RBFOX3: variants seen among roughly 807,000 people sequenced by gnomAD.
RBFOX3 encodes RNA binding fox-1 homolog 3.
In RBFOX3, 17 loss-of-function variants were observed where a neutral mutation model predicts 48.7. That is an observed-to-expected ratio of 0.35 (90% CI 0.24 to 0.52). The LOEUF is 0.52. Among genes scored for constraint, RBFOX3 ranks in the 20% least tolerant of loss-of-function variants. RBFOX3 has a pLI of 0.94. For synonymous variants in RBFOX3, 212 were observed against 209.5 expected, an observed-to-expected ratio of 1.01 and a Z score of -0.10; for missense variants, 382 against 497.5, an observed-to-expected ratio of 0.77 and a Z score of 2.21.
intron 1 of RBFOX3, among the ~76,000 whole-genome samples, chr17:79,561,306 G>A (rs920681576): frequency 0.5 from 75,482 of 151,940 alleles, 20,661 homozygotes; most frequent in South Asian, 0.67. Flanking sequence ...GCCCAGCCTT[G>A]CCAGGGCTGA....
intron 2 of RBFOX3, among the ~76,000 whole-genome samples, chr17:79,318,582 C>T (rs1378904): frequency 0.45 from 68,482 of 151,764 alleles, 15,758 homozygotes; most frequent in African/African-American, 0.55. Context: ...GGGCCACGTG[C>T]GGTGGCTCAT....
intron 1 of RBFOX3, among the ~76,000 whole-genome samples, chr17:79,520,302 C>T (rs1371673503): frequency 2.0e-5 from 3 of 152,318 alleles, no homozygotes; most frequent in Admixed American, 6.5e-5. Context: ...GGCTGCTCCC[C>T]GTCAGCCGGA....
At chr17:79,116,488 C>T (rs945984981) in intron 4 of RBFOX3, among the ~76,000 whole-genome samples, 1 of 152,240 alleles carries the variant, frequency 6.6e-6, no homozygotes, top group African/African-American at 2.4e-5. Context: ...GCGCTCCAGC[C>T]TGGGTGATGA....
At chr17:79,376,693 G>C (rs1245968414) in intron 2 of RBFOX3, among the ~76,000 whole-genome samples, 1 of 152,192 alleles carries the variant, frequency 6.6e-6, no homozygotes, top group Non-Finnish European at 1.5e-5. Context: ...GGAAGAGGAG[G>C]GGTGCAGATT....
chr17:79,231,199 A>G (rs1472324620), intron 4 of RBFOX3, among the ~76,000 whole-genome samples: 1 of 152,186 alleles, frequency 6.6e-6, no homozygotes, highest in Non-Finnish European at 1.5e-5. Context: ...AGACAGCTGG[A>G]CAGAGAAAGA....
intron 2 of RBFOX3, among the ~76,000 whole-genome samples, chr17:79,375,642 A>G (rs117457131): frequency 0.018 from 2,695 of 152,226 alleles, 28 homozygotes; most frequent in Non-Finnish European, 0.027. Flanking sequence ...AAGTGGCTGC[A>G]GTGATGGAGG....
At chr17:79,417,806 C>T (rs910443107) in intron 2 of RBFOX3, among the ~76,000 whole-genome samples, 2 of 152,246 alleles carry the variant, frequency 1.3e-5, no homozygotes, top group South Asian at 2.1e-4. Flanking sequence ...AATAGCCACA[C>T]GGGGCGGCAG....
rs1294363374 is a variant in RBFOX3, at chr17:79,094,473, G to A, written c.1055C>T (p.Ala352Val). The change falls in exon 14 of 15, where the codon GCG becomes GTG. Residue 352 changes from alanine (A) to valine (V), a missense_variant. This residue lies in a region of RBFOX3 where 215 missense variants were observed against 254.8 expected (regional missense o/e 0.84). Transcript: ENST00000693108. ...TACCATGGTTCCAATGCTGTAGGTCGCCGCGGGCCCGATGGTGTGATGGTA... is the reference window on the plus strand; with the variant it reads ...TACCATGGTTCCAATGCTGTAGGTCACCGCGGGCCCGATGGTGTGATGGTA... ...DPYHHTIGPA[A>V]TYSIGTM The A allele has an allele frequency of 6.8e-6, 10 of 1,477,466 alleles. No homozygotes were observed. Among genetic ancestry groups the A allele is most frequent in the East Asian group, 2.9e-5 (1 of 34,388 alleles). The allele number at this position is 1,477,466 out of a possible 1,614,324, so 91.5% of individuals were successfully genotyped here. A position where few individuals can be genotyped will look rare whatever the true frequency, so the allele number is the denominator to read the frequency against.
intron 2 of RBFOX3, among the ~76,000 whole-genome samples, chr17:79,324,176 G>C (rs2146118006): frequency 6.6e-6 from 1 of 152,314 alleles, no homozygotes; most frequent in South Asian, 2.1e-4. Flanking sequence ...AAGGGCTGAG[G>C]GATGAGAAGG....
Position 79,114,915 on chromosome 17 carries a change from G to C in RBFOX3, c.222+579C>G, listed in dbSNP as rs544010396. 3.3e-5 allele frequency among the ~76,000 whole-genome samples: 5 copies of C among 152,382 alleles called. No homozygotes were observed. The East Asian group carries it at 9.6e-4, about 29-fold the overall frequency. On this transcript the variant is annotated intron_variant, in intron 5 of 14. Coordinates refer to ENST00000693108, the MANE Select transcript of RBFOX3 (RefSeq NM_001350451.2). ...TCCCTGCTGGCTCTCTTTGCTCTCAGGAAATCTGAGAAGTGAGGGCTCAGC... is the reference window on the plus strand; with the variant it reads ...TCCCTGCTGGCTCTCTTTGCTCTCACGAAATCTGAGAAGTGAGGGCTCAGC...
intron 14 of RBFOX3, among the ~76,000 whole-genome samples, chr17:79,091,381 G>C (rs542730153): frequency 6.6e-6 from 1 of 152,338 alleles, no homozygotes; most frequent in South Asian, 2.1e-4. Flanking sequence ...GTACAGATCT[G>C]TGTGCCCCAG....
At chr17:79,515,472 A>G (rs2085118478) in intron 1 of RBFOX3, among the ~76,000 whole-genome samples, 1 of 152,166 alleles carries the variant, frequency 6.6e-6, no homozygotes, top group Non-Finnish European at 1.5e-5. Context: ...GCAGGAGCTC[A>G]TCGACAGGGT....
Position 79,584,771 on chromosome 17 carries a change from TTA to T in RBFOX3, c.-320+26053_-320+26054del, listed in dbSNP as rs1477159491. ...ACTGGATTTTTTTATTTTTATTTAT[TTA>T]TTTTTTTTTTGAGACTGAGTCTCAC... On this transcript the variant is annotated intron_variant, in intron 1 of 14. Coordinates refer to ENST00000693108, the MANE Select transcript of RBFOX3 (RefSeq NM_001350451.2). 7.3e-3 allele frequency among the ~76,000 whole-genome samples: 578 copies of T among 79,716 alleles called. 7 individuals are homozygous for T. The highest frequency in any genetic ancestry group is 0.02 in the African/African-American group (501 of 25,470). 52.3% of individuals were successfully genotyped at this position (79,716 alleles called of 152,430 possible). A position where few individuals can be genotyped will look rare whatever the true frequency, so the allele number is the denominator to read the frequency against.
chr17:79,557,472 T>C (rs1029607980), intron 1 of RBFOX3, among the ~76,000 whole-genome samples: 2 of 151,202 alleles, frequency 1.3e-5, no homozygotes, highest in Admixed American at 6.6e-5. Context: ...CTGCAGTCTC[T>C]GAGATGATGG....
intron 1 of RBFOX3, among the ~76,000 whole-genome samples, chr17:79,537,506 G>T (rs1406346956): frequency 6.6e-6 from 1 of 152,170 alleles, no homozygotes; most frequent in African/African-American, 2.4e-5. Context: ...AACAGTGGGT[G>T]TCCCCTGCAA....
intron 4 of RBFOX3, among the ~76,000 whole-genome samples, chr17:79,144,962 C>A (rs1183138273): frequency 2.0e-5 from 3 of 152,234 alleles, no homozygotes; most frequent in Non-Finnish European, 4.4e-5. Context: ...ACCTGTGCTC[C>A]CACACGCTGG....
intron 2 of RBFOX3, among the ~76,000 whole-genome samples, chr17:79,399,774 G>A (rs1351367556): frequency 6.6e-6 from 1 of 152,244 alleles, no homozygotes; most frequent in Non-Finnish European, 1.5e-5. Flanking sequence ...TCCCCGGGGA[G>A]CAGCAGACAC....
At chr17:79,310,700 G>A (rs757956104) in intron 2 of RBFOX3, among the ~76,000 whole-genome samples, 4 of 152,168 alleles carry the variant, frequency 2.6e-5, no homozygotes, top group African/African-American at 7.2e-5. Context: ...AGGGAGCACC[G>A]CTCTGTTGCT....
intron 2 of RBFOX3, among the ~76,000 whole-genome samples, chr17:79,460,818 C>A (rs2075276799): frequency 2.0e-5 from 3 of 152,204 alleles, no homozygotes; most frequent in Non-Finnish European, 4.4e-5. Flanking sequence ...CACCAGATGC[C>A]AGGGCCATGT....
Sources: allele counts gnomAD v4.1 joint callset (sites outside exome capture counted in the v4.1 genomes callset), GRCh38; gene constraint gnomAD v4.1.1; regional missense constraint gnomAD v4.1.1; transcripts MANE v1.5; gene names NCBI Gene and HGNC (gene_info 2026-07-23, HGNC 2026-07-21).